The following DPY19L1 variants were observed in gnomAD, a reference collection of about 807,000 sequenced individuals.
The protein encoded by DPY19L1 is dpy-19 like C-mannosyltransferase 1, also known as protein C-mannosyl-transferase DPY19L1.
A neutral mutation model predicts 96.9 loss-of-function variants in DPY19L1; 35 were observed. The observed-to-expected ratio is 0.36, with a 90% CI of 0.28 to 0.48. The LOEUF (loss-of-function observed/expected upper bound fraction) is 0.48. Ranked by LOEUF, DPY19L1 falls within the 20% of genes least tolerant of loss-of-function variation. The pLI, the probability that DPY19L1 is intolerant of heterozygous loss-of-function variation, is 0.99. For missense variants in DPY19L1, 521 were observed against 777.9 expected (o/e 0.67, Z 3.93); for synonymous variants, 205 against 252.6 (o/e 0.81, Z 1.79).
chr7:35,023,059 G>C (rs192046834), intron 1 of DPY19L1, among the ~76,000 whole-genome samples: 3 of 152,290 alleles, frequency 2.0e-5, no homozygotes, highest in African/African-American at 7.2e-5. Flanking sequence ...TGGGCAAGTG[G>C]GGAGGGGAGT....
At chr7:34,979,781 C>T (rs73098771) in intron 7 of DPY19L1, among the ~76,000 whole-genome samples, 18 of 152,056 alleles carry the variant, frequency 1.2e-4, no homozygotes, top group East Asian at 7.7e-4. Flanking sequence ...TTAAAGGAGA[C>T]GAATATAAAT....
intron 1 of DPY19L1, 35 bp from the exon 2 acceptor site, chr7:35,018,631 G>C: frequency 1.3e-6 from 2 of 1,575,478 alleles, no homozygotes; most frequent in East Asian, 4.5e-5. Flanking sequence ...TAGAATTTTA[G>C]CATAAACATG....
chr7:34,939,429 T>C, intron 19 of DPY19L1, 54 bp from the exon 20 acceptor site: 1 of 1,483,672 alleles, frequency 6.7e-7, no homozygotes, highest in Non-Finnish European at 9.4e-7. Context: ...CGAGAAGGTG[T>C]CTCCTTCAAG....
Position 35,037,094 on chromosome 7 carries a change from C to G in DPY19L1, c.298+3G>C, listed in dbSNP as rs1786431929. 1 of 210,604 alleles carries G rather than the reference C, an allele frequency of 4.7e-6. No homozygotes were observed. Among genetic ancestry groups the G allele is most frequent in the Non-Finnish European group, 9.5e-6 (1 of 105,466 alleles). 13.0% of individuals were successfully genotyped at this position (210,604 alleles called of 1,614,324 possible). A position where few individuals can be genotyped will look rare whatever the true frequency, so the allele number is the denominator to read the frequency against. On this transcript the variant is annotated splice_donor_region_variant and intron_variant, in intron 1 of 21. Transcript: ENST00000638088. ...CGGCGGCGCCGGCGCTAGGGCTGCT[C>G]ACCTAACAGGAGCGTGGTCCAGGTC... is the stretch of plus-strand genomic sequence containing the variant.
intron 3 of DPY19L1, among the ~76,000 whole-genome samples, chr7:35,017,491 G>A (rs1280130842): frequency 4.9e-5 from 2 of 40,614 alleles, no homozygotes; most frequent in Admixed American, 4.0e-4. Flanking sequence ...GACAGAGCGA[G>A]ACTCCGTCTC....
intron 7 of DPY19L1, among the ~76,000 whole-genome samples, chr7:34,985,906 C>G (rs1200528558): frequency 1.3e-5 from 2 of 151,890 alleles, no homozygotes; most frequent in Non-Finnish European, 2.9e-5. Flanking sequence ...GGAAGCAACC[C>G]TAAGTGTCCA....
chr7:34,983,184 CA>C (rs1325978044), intron 7 of DPY19L1, among the ~76,000 whole-genome samples: 1 of 151,892 alleles, frequency 6.6e-6, no homozygotes, highest in African/African-American at 2.4e-5. Context: ...GAAATTGAAG[CA>C]AAAATGATTA....
intron 21 of DPY19L1, among the ~76,000 whole-genome samples, chr7:34,936,815 T>C (rs1475106455): frequency 6.6e-6 from 1 of 152,240 alleles, no homozygotes; most frequent in African/African-American, 2.4e-5. Flanking sequence ...AAGCTGTAGA[T>C]ACTATGTCAC....
intron 3 of DPY19L1, 61 bp downstream of exon 3, chr7:35,017,821 A>T (rs1469490505): frequency 1.6e-5 from 21 of 1,325,436 alleles, no homozygotes; most frequent in Non-Finnish European, 2.1e-5. Flanking sequence ...TCCATAATAA[A>T]AAATATTAAA....
rs374543033 is a variant in DPY19L1, at chr7:34,945,713, T to G, written c.1498A>C (p.Ile500Leu). 2.5e-5 allele frequency: 40 copies of G among 1,597,328 alleles called. No individual in the cohort carries two copies. In the African/African-American group the frequency reaches 4.2e-4, roughly 17 times the overall value. Residue 500 changes from isoleucine to leucine, a missense_variant, in exon 16 of 22, where the codon ATT (isoleucine) becomes CTT (leucine). Coordinates refer to ENST00000638088, the MANE Select transcript of DPY19L1 (RefSeq NM_001366673.1). ...VVFVAIVRKIISDMWGVLAKQ... is the reference protein window; with the variant it reads ...VVFVAIVRKILSDMWGVLAKQ... ...GCTAAGACACCCCACATATCACTAA[T>G]AATCTGTAAATAGATTTTGAAACAC...
chr7:34,936,840 C>T (rs533513112), intron 21 of DPY19L1, among the ~76,000 whole-genome samples: 97 of 152,194 alleles, frequency 6.4e-4, no homozygotes, highest in Non-Finnish European at 1.3e-3. Context: ...CTATTTTTCA[C>T]TCACGACTCA....
intron 1 of DPY19L1, among the ~76,000 whole-genome samples, chr7:35,031,735 T>C (rs766366800): frequency 6.6e-6 from 1 of 152,242 alleles, no homozygotes; most frequent in Non-Finnish European, 1.5e-5. Context: ...AAATTTGTTA[T>C]TTGGATGCTA....
chr7:35,031,165 A>G (rs554581895), intron 1 of DPY19L1, among the ~76,000 whole-genome samples: 4 of 152,236 alleles, frequency 2.6e-5, no homozygotes, highest in Admixed American at 6.5e-5. Context: ...TCAGTCCTCC[A>G]TATCTGTCAG....
intron 6 of DPY19L1, among the ~76,000 whole-genome samples, chr7:34,992,166 A>C (rs1434902505): frequency 6.6e-6 from 1 of 152,088 alleles, no homozygotes; most frequent in African/African-American, 2.4e-5. Flanking sequence ...TGTGCTTTTC[A>C]AATTTTCTCC....
intron 9 of DPY19L1, among the ~76,000 whole-genome samples, chr7:34,967,816 C>T (rs920891512): frequency 6.6e-6 from 1 of 152,126 alleles, no homozygotes; most frequent in Non-Finnish European, 1.5e-5. Context: ...AATCAATCTA[C>T]AACAAATTTT....
At chr7:35,018,108 T>C (rs532715756) in intron 2 of DPY19L1, 139 bp from the exon 3 acceptor site, 50 of 539,702 alleles carry the variant, frequency 9.3e-5, no homozygotes, top group East Asian at 6.0e-4. Flanking sequence ...ATAGTATCTA[T>C]ATTTTTTTCA....
At chr7:34,983,697 AG>A (rs959442665) in intron 7 of DPY19L1, among the ~76,000 whole-genome samples, 1 of 152,178 alleles carries the variant, frequency 6.6e-6, no homozygotes, top group African/African-American at 2.4e-5. Flanking sequence ...TGGGAGAAAA[AG>A]GAACAGTGTC....
intron 2 of DPY19L1, among the ~76,000 whole-genome samples, chr7:35,018,246 T>C (rs1379805065): frequency 6.6e-6 from 1 of 152,190 alleles, no homozygotes; most frequent in Admixed American, 6.5e-5. Flanking sequence ...GTAAATGTCA[T>C]TGGGTTACCA....
At position 34,966,874 on chromosome 7, in the gene DPY19L1, G is replaced by T; in HGVS notation, c.1092+20C>A. 1 of 1,502,626 alleles carries T rather than the reference G, an allele frequency of 6.7e-7. No homozygotes were observed. The highest frequency in any genetic ancestry group is 8.9e-7 in the Non-Finnish European group (1 of 1,122,578). The allele number at this position is 1,502,626 out of a possible 1,614,324, so 93.1% of individuals were successfully genotyped here. On this transcript the variant is annotated intron_variant, in intron 10 of 21. Transcript: ENST00000638088. Reference sequence around the variant, plus strand: ...TTTTAAGGGCAAACTAAATGGAAAAGAACAATAAAAAATTATTACCATGTG... The same window carrying T: ...TTTTAAGGGCAAACTAAATGGAAAATAACAATAAAAAATTATTACCATGTG...
Sources: allele counts gnomAD v4.1 joint callset (sites outside exome capture counted in the v4.1 genomes callset), GRCh38; gene constraint gnomAD v4.1.1; transcripts MANE v1.5; gene names NCBI Gene and HGNC (gene_info 2026-07-23, HGNC 2026-07-21).